ANKS1B: variants seen among roughly 807,000 people sequenced by gnomAD.
ANKS1B encodes the protein ankyrin repeat and sterile alpha motif domain-containing protein 1B.
In ANKS1B, 36 loss-of-function variants were observed where a neutral mutation model predicts 148.3. The observed-to-expected ratio is 0.24, with a 90% CI of 0.19 to 0.32. ANKS1B has a LOEUF of 0.32. ANKS1B is among the 10% of genes least tolerant of loss of function. The probability of loss-of-function intolerance (pLI) is 1.00; values close to 1 mark genes in which losing one functional copy is unlikely to be tolerated. For missense variants in ANKS1B, 1,157 were observed against 1,542.6 expected (o/e 0.75, Z 4.19); for synonymous variants, 542 against 560.8 (o/e 0.97, Z 0.47).
chr12:99,531,478 C>T (rs903483285), intron 9 of ANKS1B, among the ~76,000 whole-genome samples: 2 of 152,010 alleles, frequency 1.3e-5, no homozygotes, highest in Non-Finnish European at 2.9e-5. Context: ...TTTCTATTTC[C>T]AAGTTACTTC....
intron 10 of ANKS1B, among the ~76,000 whole-genome samples, chr12:99,476,597 G>T (rs2152922755): frequency 6.6e-6 from 1 of 152,198 alleles, no homozygotes; most frequent in South Asian, 2.1e-4. Flanking sequence ...ACAACTATTT[G>T]AAAAGGAGCT....
chr12:99,067,111 G>A (rs1487410674), intron 16 of ANKS1B, among the ~76,000 whole-genome samples: 1 of 152,178 alleles, frequency 6.6e-6, no homozygotes, highest in Non-Finnish European at 1.5e-5. Context: ...AAGATGAAGA[G>A]GTTTCAATTA....
intron 1 of ANKS1B, among the ~76,000 whole-genome samples, chr12:99,915,477 A>G (rs1312046609): frequency 6.6e-6 from 1 of 152,156 alleles, no homozygotes; most frequent in Non-Finnish European, 1.5e-5. Flanking sequence ...AATTTGTAGC[A>G]AGGAAATCAT....
chr12:99,521,327 C>T (rs2096872890), intron 9 of ANKS1B, among the ~76,000 whole-genome samples: 1 of 152,170 alleles, frequency 6.6e-6, no homozygotes, highest in South Asian at 2.1e-4. Flanking sequence ...TTCCTCAACA[C>T]AGCTATTTTG....
intron 8 of ANKS1B, among the ~76,000 whole-genome samples, chr12:99,731,901 T>TA (rs1200998756): frequency 6.6e-6 from 1 of 152,164 alleles, no homozygotes; most frequent in African/African-American, 2.4e-5. Flanking sequence ...AGAATAACTT[T>TA]AAAACCAGAA....
At chr12:99,267,489 A>C (rs1363877642) in intron 12 of ANKS1B, among the ~76,000 whole-genome samples, 1 of 152,220 alleles carries the variant, frequency 6.6e-6, no homozygotes, top group Non-Finnish European at 1.5e-5. Context: ...AATTAAATAT[A>C]ATAGGATAAT....
At chr12:99,564,303 A>T (rs377262445) in intron 9 of ANKS1B, among the ~76,000 whole-genome samples, 2 of 152,062 alleles carry the variant, frequency 1.3e-5, no homozygotes, top group African/African-American at 4.8e-5. Flanking sequence ...AATTTTTAAT[A>T]TATTTATGCA....
chr12:99,006,788 G>C (rs1364750362), intron 17 of ANKS1B, among the ~76,000 whole-genome samples: 1 of 152,152 alleles, frequency 6.6e-6, no homozygotes, highest in Non-Finnish European at 1.5e-5. Context: ...ACCAGGCACT[G>C]TTCTAAGTAC....
chr12:99,253,228 A>G (rs1223768200), intron 12 of ANKS1B, among the ~76,000 whole-genome samples: 1 of 149,204 alleles, frequency 6.7e-6, no homozygotes, highest in Non-Finnish European at 1.5e-5. Context: ...CTTCTCTAGA[A>G]AAAAAAAAAA....
chr12:99,207,652 G>C (rs1254090240), intron 14 of ANKS1B, among the ~76,000 whole-genome samples: 2 of 151,444 alleles, frequency 1.3e-5, no homozygotes, highest in East Asian at 3.9e-4. Flanking sequence ...ACTTACTAAG[G>C]GTTAAAAATT....
intron 1 of ANKS1B, among the ~76,000 whole-genome samples, chr12:99,887,075 A>G (rs1462580800): frequency 1.3e-5 from 2 of 152,230 alleles, no homozygotes; most frequent in Non-Finnish European, 2.9e-5. Flanking sequence ...AGCATCCTAC[A>G]GTGTAGGTAC....
chr12:99,389,770 T>C (rs535703252), intron 12 of ANKS1B, among the ~76,000 whole-genome samples: 18 of 152,184 alleles, frequency 1.2e-4, no homozygotes, highest in East Asian at 1.2e-3. Context: ...CAAGAGAAAA[T>C]TGAGTTAATA....
At chr12:99,433,774 T>A (rs1278260029) in intron 11 of ANKS1B, among the ~76,000 whole-genome samples, 1 of 152,138 alleles carries the variant, frequency 6.6e-6, no homozygotes, top group Non-Finnish European at 1.5e-5. Flanking sequence ...GCTCTGGAAC[T>A]GGATGAGAAC....
intron 1 of ANKS1B, among the ~76,000 whole-genome samples, chr12:99,919,821 A>C (rs1478791205): frequency 6.6e-6 from 1 of 151,608 alleles, no homozygotes; most frequent in African/African-American, 2.4e-5. Context: ...TTGGCATGAA[A>C]AAATATATAA....
chr12:99,928,662 C>T (rs1328280566), intron 1 of ANKS1B, among the ~76,000 whole-genome samples: 5 of 152,110 alleles, frequency 3.3e-5, no homozygotes, highest in Non-Finnish European at 4.4e-5. Context: ...ATAGATTTTC[C>T]TGAATGATGT....
chr12:98,881,500 T>A (rs2099708028), intron 17 of ANKS1B, among the ~76,000 whole-genome samples: 1 of 152,178 alleles, frequency 6.6e-6, no homozygotes, highest in Non-Finnish European at 1.5e-5. Context: ...TAATAACTCA[T>A]CTTTGTGCCT....
intron 15 of ANKS1B, among the ~76,000 whole-genome samples, chr12:99,103,578 C>A (rs1377365735): frequency 6.6e-6 from 1 of 152,132 alleles, no homozygotes; most frequent in African/African-American, 2.4e-5. Flanking sequence ...AATTTAAATA[C>A]TTCTTAAAAC....
intron 10 of ANKS1B, among the ~76,000 whole-genome samples, chr12:99,449,293 C>G (rs750402247): frequency 6.6e-6 from 1 of 152,062 alleles, no homozygotes; most frequent in East Asian, 1.9e-4. Context: ...AATCCTGTTC[C>G]GCTGTTAGTT....
At chr12:99,587,511 T>C (rs2097654427) in intron 9 of ANKS1B, among the ~76,000 whole-genome samples, 1 of 152,230 alleles carries the variant, frequency 6.6e-6, no homozygotes, top group Non-Finnish European at 1.5e-5. Flanking sequence ...TGTTCAGTTT[T>C]AATTGCTCTA....
Sources: allele counts gnomAD v4.1 joint callset (sites outside exome capture counted in the v4.1 genomes callset), GRCh38; gene constraint gnomAD v4.1.1; transcripts MANE v1.5; gene names NCBI Gene and HGNC (gene_info 2026-07-23, HGNC 2026-07-21).